The following ADAP1 variants were observed in gnomAD, a reference collection of about 807,000 sequenced individuals.
ADAP1 encodes arf-GAP with dual PH domain-containing protein 1.
A neutral mutation model predicts 54.9 loss-of-function variants in ADAP1; 31 were observed. The ratio of observed to expected loss-of-function variants is 0.56; its 90% CI spans 0.42 to 0.76. ADAP1 has a LOEUF of 0.76. Ranked by LOEUF, ADAP1 falls within the 30% of genes least tolerant of loss-of-function variation. ADAP1 has a pLI of 0.00. For synonymous variants in ADAP1, 313 were observed against 202.6 expected (o/e 1.55, Z -4.63); for missense variants, 535 against 512.4 (o/e 1.04, Z -0.42).
At chr7:901,264 C>CTAGACCCAGCGCCCCTCCTGGGG in intron 6 of ADAP1, 2 of 349,848 alleles carry the variant, frequency 5.7e-6, no homozygotes, top group Non-Finnish European at 1.1e-5. Flanking sequence ...TCCCCTGCCC[C>CTAGACCCAGCGCCCCTCCTGGGG]TAGACCCAGC....
At chr7:905,315 G>GTC (rs1845083153) in intron 4 of ADAP1, 143 bp from the exon 5 acceptor site, 1 of 489,488 alleles carries the variant, frequency 2.0e-6, no homozygotes, top group Non-Finnish European at 3.6e-6. Context: ...AGACGGACGG[G>GTC]GAGAGGGGAC....
rs1370097225 is a variant in ADAP1, at chr7:926,157, C to G, written c.305+396G>C. Reference sequence around the variant, plus strand: ...GGTCTCAGGCTTCCCCAACCGGCCACCGGTACCCACGTCCGCTCCCGCCCT... The same window carrying G: ...GGTCTCAGGCTTCCCCAACCGGCCAGCGGTACCCACGTCCGCTCCCGCCCT... On this transcript the variant is annotated intron_variant, in intron 3 of 10. Transcript: ENST00000265846. This position sits in a 1 kb window ranked among gnomAD's most constrained non-coding sequence, Gnocchi z 4.6. 6.6e-6 allele frequency among the ~76,000 whole-genome samples: 1 copy of G among 152,000 alleles called. No individual in the cohort carries two copies. The highest frequency in any genetic ancestry group is 2.4e-5 in the African/African-American group (1 of 41,394).
Position 904,351 on chromosome 7 carries a change from G to A in ADAP1, c.502-79C>T, listed in dbSNP as rs1233248157. On this transcript the variant is annotated intron_variant, in intron 5 of 10. Coordinates refer to ENST00000265846, the MANE Select transcript of ADAP1 (RefSeq NM_006869.4). The stretch of plus-strand genomic sequence containing the variant: ...GGAGCAGGAAGGGCAGACCCTGTGG[G>A]TGCTGGCGGCGCACCTGCTGTGCTG... The A allele has an allele frequency of 2.0e-6, 3 of 1,498,066 alleles. No individual in the cohort carries two copies. The African/African-American group carries it at 4.2e-5, about 21-fold the overall frequency. The allele number at this position is 1,498,066 out of a possible 1,614,324, so 92.8% of individuals were successfully genotyped here.
At chr7:913,160 G>A (rs917485229) in intron 4 of ADAP1, among the ~76,000 whole-genome samples, 5 of 150,642 alleles carry the variant, frequency 3.3e-5, no homozygotes, top group African/African-American at 4.9e-5. Flanking sequence ...TGTATTAACT[G>A]GAATTCGTGT....
At chr7:904,067 C>G (rs1844961014) in intron 6 of ADAP1, 59 bp downstream of exon 6, 1 of 1,598,668 alleles carries the variant, frequency 6.3e-7, no homozygotes, top group Non-Finnish European at 8.5e-7. Flanking sequence ...CCTGCGCCAC[C>G]CGGGCCTGAG....
In ADAP1 at chr7:926,094, C is replaced by A. The variant is rs1846377245; in HGVS notation, c.305+459G>T. Among the ~76,000 whole-genome samples, 1 of 152,094 alleles carries A rather than the reference C, an allele frequency of 6.6e-6. No individual in the cohort carries two copies. The highest frequency in any genetic ancestry group is 2.1e-4 in the South Asian group (1 of 4,828). ...ATACCGAGCAGGCCTCATTCCCTCT[C>A]TCCACAACCTCCCGATCCCAGGATG... is the stretch of plus-strand genomic sequence containing the variant. On this transcript the variant is annotated intron_variant, in intron 3 of 10. Coordinates refer to ENST00000265846, the MANE Select transcript of ADAP1 (RefSeq NM_006869.4). The surrounding 1 kb of genome is among the most constrained non-coding windows in gnomAD (Gnocchi z 4.6).
chr7:919,562 T>G (rs757611654), intron 4 of ADAP1, among the ~76,000 whole-genome samples: 3 of 93,042 alleles, frequency 3.2e-5, no homozygotes, highest in East Asian at 2.4e-4. Flanking sequence ...GAGACAGAGA[T>G]AGAGAGAGGA....
At chr7:901,279 C>T (rs1844799485) in intron 6 of ADAP1, 1 of 344,352 alleles carries the variant, frequency 2.9e-6, no homozygotes, top group African/African-American at 2.2e-5. Context: ...CCCAGCGCCC[C>T]TCCTGGGGTC....
In ADAP1 at chr7:899,023, C is replaced by A; in HGVS notation, c.1096+10G>T. 6.2e-7 allele frequency: 1 copy of A among 1,609,612 alleles called. No individual in the cohort carries two copies. Among genetic ancestry groups the A allele is most frequent in the Non-Finnish European group, 8.5e-7 (1 of 1,179,670 alleles). ...GCCCTTCCAGGCCGCCGGCCGCCCG[C>A]CCCCCTCACCTGCGTACTCCTGGGG... On this transcript the variant is annotated intron_variant, in intron 10 of 10. Transcript: ENST00000265846.
In ADAP1 at chr7:926,452, G is replaced by A; in HGVS notation, c.305+101C>T. ...CTGCGGCTGGCTTCTCCCCGACCCT[G>A]TGGGCGGCACCCAACTCCCCACCCT... On this transcript the variant is annotated intron_variant, in intron 3 of 10. Transcript: ENST00000265846. The surrounding 1 kb of genome is among the most constrained non-coding windows in gnomAD (Gnocchi z 4.6). 1 of 1,058,074 alleles carries A rather than the reference G, an allele frequency of 9.5e-7. No homozygotes were observed. The highest frequency in any genetic ancestry group is 1.3e-6 in the Non-Finnish European group (1 of 754,412). 65.5% of individuals were successfully genotyped at this position (1,058,074 alleles called of 1,614,324 possible). A position where few individuals can be genotyped will look rare whatever the true frequency, so the allele number is the denominator to read the frequency against.
intron 3 of ADAP1, chr7:923,161 A>C (rs1846250731): frequency 6.6e-6 from 1 of 151,996 alleles, no homozygotes; most frequent in Admixed American, 6.5e-5. Context: ...AGCTGGAAGA[A>C]AGTAGATTTC....
intron 4 of ADAP1, among the ~76,000 whole-genome samples, chr7:905,819 GAGAA>G: frequency 2.7e-5 from 1 of 36,952 alleles, no homozygotes; most frequent in African/African-American, 7.6e-5. Flanking sequence ...AAGGAGAAGG[GAGAA>G]GGGAGAAGGG....
chr7:942,410 G>A lies in ADAP1; in HGVS notation c.83-6905C>T, dbSNP rs1346168987. Among the ~76,000 whole-genome samples the A allele has an allele frequency of 3.6e-5, 4 of 112,518 alleles. No individual in the cohort carries two copies. The East Asian group carries it at 8.3e-4, about 23-fold the overall frequency. The allele number at this position is 112,518 out of a possible 152,430, so 73.8% of individuals were successfully genotyped here. A position where few individuals can be genotyped will look rare whatever the true frequency, so the allele number is the denominator to read the frequency against. On this transcript the variant is annotated intron_variant, in intron 1 of 10. Coordinates refer to ENST00000265846, the MANE Select transcript of ADAP1 (RefSeq NM_006869.4). ...GAGAGGAGGAGGAAGGGAGAGAGGAGGAGGAAGGGAGAGAGGAGGAGGAAG... is the reference window on the plus strand; with the variant it reads ...GAGAGGAGGAGGAAGGGAGAGAGGAAGAGGAAGGGAGAGAGGAGGAGGAAG...
chr7:954,616 C>T lies in ADAP1; in HGVS notation c.-139G>A. 1 of 983,142 alleles carries T rather than the reference C, an allele frequency of 1.0e-6. No homozygotes were observed. The highest frequency in any genetic ancestry group is 1.2e-6 in the Non-Finnish European group (1 of 829,284). 60.9% of individuals were successfully genotyped at this position (983,142 alleles called of 1,614,324 possible). ...GGCCTCAGCCCGCGCGCCGGTTCCG[C>T]ATTCCCGCCGCCCTCTGGGCTCCGC... On this transcript the variant is annotated 5_prime_UTR_variant, in exon 1 of 11. An upstream start codon of the reference 5' UTR is lost. Transcript: ENST00000265846.
intron 2 of ADAP1, chr7:927,619 A>G: frequency 2.5e-6 from 1 of 393,202 alleles, no homozygotes. Flanking sequence ...AAGCAACAAG[A>G]GGCTGGCACC....
intron 6 of ADAP1, 155 bp from the exon 7 acceptor site, chr7:900,771 C>T: frequency 1.4e-6 from 1 of 696,600 alleles, no homozygotes; most frequent in Non-Finnish European, 2.5e-6. Context: ...CTGCCGCAGG[C>T]CTGGCCCCTG....
intron 4 of ADAP1, among the ~76,000 whole-genome samples, chr7:908,887 G>A (rs1845589694): frequency 6.6e-6 from 1 of 152,136 alleles, no homozygotes. Context: ...GGAGCTGGCT[G>A]GGTCCAGTGT....
At chr7:911,108 T>A (rs1845704128) in intron 4 of ADAP1, among the ~76,000 whole-genome samples, 1 of 152,144 alleles carries the variant, frequency 6.6e-6, no homozygotes, top group Non-Finnish European at 1.5e-5. Flanking sequence ...GCGGGCCGTA[T>A]CCTGCGGAGG....
chr7:922,728 G>A (rs1562927454), intron 3 of ADAP1, among the ~76,000 whole-genome samples: 2 of 152,006 alleles, frequency 1.3e-5, no homozygotes, highest in South Asian at 4.1e-4. Context: ...TTGCTTCTAC[G>A]TGGTGGACCA....
Sources: allele counts gnomAD v4.1 joint callset (sites outside exome capture counted in the v4.1 genomes callset), GRCh38; gene constraint gnomAD v4.1.1; non-coding constraint Gnocchi (gnomAD v3.1); transcripts MANE v1.5; gene names NCBI Gene and HGNC (gene_info 2026-07-23, HGNC 2026-07-21).